Variants in ARHGAP26 observed in about 807,000 individuals in gnomAD.
ARHGAP26 encodes the protein Rho GTPase activating protein 26, also known as rho GTPase-activating protein 26.
Under a neutral mutation model 104.8 loss-of-function variants are expected in ARHGAP26, and 38 were observed. The observed-to-expected ratio is 0.36, with a 90% CI of 0.28 to 0.48. The LOEUF (loss-of-function observed/expected upper bound fraction) is 0.48, where lower values mean the gene tolerates loss of function less well. ARHGAP26 is among the 20% of genes least tolerant of loss of function. ARHGAP26 has a pLI of 0.99. For synonymous variants in ARHGAP26, 341 were observed against 340.0 expected, an observed-to-expected ratio of 1.00 and a Z score of -0.03; for missense variants, 704 against 947.9, an observed-to-expected ratio of 0.74 and a Z score of 3.38.
chr5:142,930,759 G>A (rs1044307482), intron 10 of ARHGAP26, among the ~76,000 whole-genome samples: 16 of 151,900 alleles, frequency 1.1e-4, no homozygotes, highest in Non-Finnish European at 2.1e-4. Flanking sequence ...ACATGCCCAC[G>A]GCTCTAAATT....
Position 143,121,118 on chromosome 5 carries a change from A to G in ARHGAP26, c.1669A>G (p.Ile557Val), listed in dbSNP as rs141872257. Residue 557 changes from isoleucine (I) to valine (V), a missense_variant, in exon 18 of 23, where the codon ATT becomes GTT. By Grantham distance (29) the Ile-to-Val change is conservative (BLOSUM62 3). This residue lies in a region of ARHGAP26 where 287 missense variants were observed against 438.8 expected (regional missense o/e 0.65). Transcript: ENST00000645722. ...IMDIKFQNIV[I>V]EILIENHEKI... Reference sequence around the variant, plus strand: ...GGACATCAAATTTCAGAACATTGTCATTGAGATCCTAATAGAAAACCACGA... The same window carrying G: ...GGACATCAAATTTCAGAACATTGTCGTTGAGATCCTAATAGAAAACCACGA... 338 of 1,613,784 alleles carry G rather than the reference A, an allele frequency of 2.1e-4. 2 individuals are homozygous for G. In the African/African-American group the frequency reaches 3.8e-3, roughly 18 times the overall value.
intron 20 of ARHGAP26, among the ~76,000 whole-genome samples, chr5:143,161,931 C>T (rs1034787049): frequency 5.3e-5 from 8 of 152,100 alleles, no homozygotes; most frequent in Admixed American, 6.5e-5. Context: ...GTAGGTGAAA[C>T]TTGCAGACTA....
intron 20 of ARHGAP26, among the ~76,000 whole-genome samples, chr5:143,199,889 C>T (rs1024431031): frequency 1.3e-5 from 2 of 152,228 alleles, no homozygotes; most frequent in Non-Finnish European, 2.9e-5. Flanking sequence ...CACTAAGCTA[C>T]AAATCCACTA....
At chr5:143,046,508 T>C (rs970893530) in intron 14 of ARHGAP26, among the ~76,000 whole-genome samples, 15 of 152,192 alleles carry the variant, frequency 9.9e-5, no homozygotes, top group African/African-American at 3.6e-4. Context: ...AGTGTGGCTT[T>C]GTACTAGTGT....
At chr5:142,992,728 T>C (rs1775802396) in intron 11 of ARHGAP26, among the ~76,000 whole-genome samples, 1 of 152,036 alleles carries the variant, frequency 6.6e-6, no homozygotes, top group Admixed American at 6.6e-5. Flanking sequence ...GCCTGGCCAG[T>C]AGTGATTTTT....
intron 1 of ARHGAP26, among the ~76,000 whole-genome samples, chr5:142,808,236 GAAAAAAAAAA>G (rs58550799): frequency 2.0e-3 from 65 of 32,674 alleles, no homozygotes; most frequent in African/African-American, 4.3e-3. Context: ...CATTGTCTCG[GAAAAAAAAAA>G]AAAAAAAAAA....
intron 17 of ARHGAP26, among the ~76,000 whole-genome samples, chr5:143,111,779 T>A (rs1218152735): frequency 1.3e-5 from 2 of 152,206 alleles, no homozygotes; most frequent in African/African-American, 2.4e-5. Flanking sequence ...CGTAAATATT[T>A]TTTTGGCTGT....
chr5:142,779,682 A>G (rs1757107117), intron 1 of ARHGAP26, among the ~76,000 whole-genome samples: 1 of 152,200 alleles, frequency 6.6e-6, no homozygotes, highest in African/African-American at 2.4e-5. Flanking sequence ...GGCTAATTTG[A>G]ACACTTTGAA....
At chr5:142,823,376 A>G (rs1428850107) in intron 1 of ARHGAP26, among the ~76,000 whole-genome samples, 2 of 151,772 alleles carry the variant, frequency 1.3e-5, no homozygotes, top group Non-Finnish European at 2.9e-5. Context: ...CCCTTCATTC[A>G]GTGTGCCCCT....
intron 10 of ARHGAP26, among the ~76,000 whole-genome samples, chr5:142,922,546 C>G (rs941235738): frequency 3.3e-5 from 5 of 152,164 alleles, no homozygotes; most frequent in Non-Finnish European, 7.4e-5. Context: ...CCCACCCTTT[C>G]ATCACAAATC....
chr5:143,147,982 T>C (rs537032041), intron 20 of ARHGAP26, among the ~76,000 whole-genome samples: 2 of 152,328 alleles, frequency 1.3e-5, no homozygotes, highest in East Asian at 3.9e-4. Flanking sequence ...TGTCTAGCCC[T>C]CCACAGAAAC....
intron 17 of ARHGAP26, among the ~76,000 whole-genome samples, chr5:143,074,659 A>AGT: frequency 6.6e-6 from 1 of 152,344 alleles, no homozygotes; most frequent in East Asian, 1.9e-4. Context: ...CAGGTTGAGA[A>AGT]GTTGCAAGAG....
At chr5:143,221,565 G>T (rs1461045219) in intron 22 of ARHGAP26, among the ~76,000 whole-genome samples, 1 of 152,132 alleles carries the variant, frequency 6.6e-6, no homozygotes, top group Non-Finnish European at 1.5e-5. Flanking sequence ...CCAGGCTGGA[G>T]TGCAGTGGTG....
At chr5:142,794,962 G>A (rs1014525918) in intron 1 of ARHGAP26, among the ~76,000 whole-genome samples, 34 of 152,132 alleles carry the variant, frequency 2.2e-4, no homozygotes, top group African/African-American at 8.0e-4. Context: ...GACTACAAAG[G>A]TGGGCAAGCT....
At chr5:143,114,269 A>G (rs1795142976) in intron 17 of ARHGAP26, among the ~76,000 whole-genome samples, 1 of 152,178 alleles carries the variant, frequency 6.6e-6, no homozygotes, top group South Asian at 2.1e-4. Flanking sequence ...CCATTGGGGC[A>G]GTCCTGCAAG....
chr5:143,226,077 C>T lies in ARHGAP26; in HGVS notation c.*3631C>T, dbSNP rs980133882. The T allele has an allele frequency of 4.8e-6, 1 of 209,502 alleles. No homozygotes were observed. The highest frequency in any genetic ancestry group is 2.3e-5 in the African/African-American group (1 of 44,012). 13.0% of individuals were successfully genotyped at this position (209,502 alleles called of 1,614,324 possible). A position where few individuals can be genotyped will look rare whatever the true frequency, so the allele number is the denominator to read the frequency against. ...GATCCCTGAGCTTTCCCAGTAGCCT[C>T]CAGTTTCCTTTGTAAGACCCAGGGA... On this transcript the variant is annotated 3_prime_UTR_variant, in exon 23 of 23. Transcript: ENST00000645722.
chr5:143,181,331 C>G (rs1360535427), intron 20 of ARHGAP26, among the ~76,000 whole-genome samples: 1 of 152,240 alleles, frequency 6.6e-6, no homozygotes, highest in Non-Finnish European at 1.5e-5. Flanking sequence ...TTTGACCTTA[C>G]TGTACTTGTT....
intron 20 of ARHGAP26, among the ~76,000 whole-genome samples, chr5:143,171,593 C>T (rs1297355350): frequency 6.6e-6 from 1 of 152,230 alleles, no homozygotes; most frequent in Non-Finnish European, 1.5e-5. Context: ...ACTCTTTAAA[C>T]TTTAAATATG....
chr5:143,163,266 G>A (rs905498014), intron 20 of ARHGAP26, among the ~76,000 whole-genome samples: 9 of 152,212 alleles, frequency 5.9e-5, no homozygotes, highest in African/African-American at 2.2e-4. Context: ...TAAGTGAGCA[G>A]TTGGGTCATT....
Sources: allele counts gnomAD v4.1 joint callset (sites outside exome capture counted in the v4.1 genomes callset), GRCh38; gene constraint gnomAD v4.1.1; regional missense constraint gnomAD v4.1.1; transcripts MANE v1.5; gene names NCBI Gene and HGNC (gene_info 2026-07-23, HGNC 2026-07-21).